The following TMEM132D variants were observed in gnomAD, a reference collection of about 807,000 sequenced individuals.
TMEM132D encodes mature OL transmembrane protein.
A neutral mutation model predicts 62.3 loss-of-function variants in TMEM132D; 21 were observed. The ratio of observed to expected loss-of-function variants is 0.34; its 90% CI spans 0.24 to 0.49. The LOEUF (loss-of-function observed/expected upper bound fraction) is 0.49, where lower values mean the gene tolerates loss of function less well. Ranked by LOEUF, TMEM132D falls within the 20% of genes least tolerant of loss-of-function variation. The probability of loss-of-function intolerance (pLI) is 0.99; values close to 1 mark genes in which losing one functional copy is unlikely to be tolerated. For missense variants in TMEM132D, 1,346 were observed against 1,402.8 expected, an observed-to-expected ratio of 0.96 and a Z score of 0.65; for synonymous variants, 621 against 575.6, an observed-to-expected ratio of 1.08 and a Z score of -1.13.
At chr12:129,323,195 G>A (rs766081874) in intron 4 of TMEM132D, among the ~76,000 whole-genome samples, 1 of 151,992 alleles carries the variant, frequency 6.6e-6, no homozygotes. Flanking sequence ...CTACCCATAA[G>A]GCATTAAAAT....
At chr12:129,291,987 G>T (rs1274338210) in intron 4 of TMEM132D, among the ~76,000 whole-genome samples, 2 of 152,072 alleles carry the variant, frequency 1.3e-5, no homozygotes, top group African/African-American at 2.4e-5. Flanking sequence ...CGAACATGGG[G>T]CAGGAAGCCT....
rs534877536 is a variant in TMEM132D, at chr12:129,738,118, T to G, written c.80-37420A>C. ...ACTCCTCCATTCGTTTTTCAAAATC[T>G]TATTTTAAATGTCTCAGCTATAATA... On this transcript the variant is annotated intron_variant, in intron 1 of 8. Coordinates refer to ENST00000422113, the MANE Select transcript of TMEM132D (RefSeq NM_133448.3). Among the ~76,000 whole-genome samples the G allele has an allele frequency of 4.6e-5, 7 of 152,364 alleles. No individual in the cohort carries two copies. The East Asian group carries it at 1.4e-3, about 29-fold the overall frequency.
chr12:129,392,652 CATATAT>C (rs1322006765), intron 3 of TMEM132D, among the ~76,000 whole-genome samples: 1 of 152,302 alleles, frequency 6.6e-6, no homozygotes, highest in African/African-American at 2.4e-5. Flanking sequence ...GGTGCCCTAC[CATATAT>C]ACAAAATCAG....
intron 1 of TMEM132D, among the ~76,000 whole-genome samples, chr12:129,787,066 G>C (rs1871266465): frequency 6.6e-6 from 1 of 152,110 alleles, no homozygotes; most frequent in Non-Finnish European, 1.5e-5. Flanking sequence ...AGGGCACTGG[G>C]AGCTGTGAAA....
chr12:129,215,968 C>T (rs955450127), intron 4 of TMEM132D, among the ~76,000 whole-genome samples: 2 of 152,150 alleles, frequency 1.3e-5, no homozygotes, highest in Non-Finnish European at 2.9e-5. Context: ...ATGCATGATT[C>T]AATTATCTCC....
chr12:129,678,263 C>T (rs1241938636), intron 2 of TMEM132D, among the ~76,000 whole-genome samples: 2 of 152,100 alleles, frequency 1.3e-5, no homozygotes, highest in Non-Finnish European at 2.9e-5. Context: ...TTTCTCCTAC[C>T]AGCAATAATA....
chr12:129,745,661 C>T lies in TMEM132D; in HGVS notation c.80-44963G>A, dbSNP rs1196945435. 2.0e-5 allele frequency among the ~76,000 whole-genome samples: 3 copies of T among 152,212 alleles called. No homozygotes were observed. The East Asian group carries it at 5.8e-4, about 29-fold the overall frequency. On this transcript the variant is annotated intron_variant, in intron 1 of 8. Coordinates refer to ENST00000422113, the MANE Select transcript of TMEM132D (RefSeq NM_133448.3). ...TACCATCTGGGTCTGATGCTTAGGA[C>T]TGTCTAGAGTCAGTTACTTGTATCA...
chr12:129,191,870 A>G (rs888918175), intron 5 of TMEM132D, among the ~76,000 whole-genome samples: 1 of 152,220 alleles, frequency 6.6e-6, no homozygotes, highest in Admixed American at 6.5e-5. Flanking sequence ...CTTAATCTCC[A>G]GCACTCTGAT....
chr12:129,605,648 A>AATATAC (rs1310775683), intron 2 of TMEM132D, among the ~76,000 whole-genome samples: 1 of 113,740 alleles, frequency 8.8e-6, no homozygotes, highest in Non-Finnish European at 1.9e-5. Flanking sequence ...CACACACACA[A>AATATAC]ATATACATAT....
At chr12:129,781,342 ACT>A (rs1450197442) in intron 1 of TMEM132D, among the ~76,000 whole-genome samples, 1 of 151,992 alleles carries the variant, frequency 6.6e-6, no homozygotes, top group Non-Finnish European at 1.5e-5. Flanking sequence ...GGCTGAGAAA[ACT>A]CTGATGATGG....
At chr12:129,232,630 C>T (rs1301622674) in intron 4 of TMEM132D, among the ~76,000 whole-genome samples, 1 of 152,168 alleles carries the variant, frequency 6.6e-6, no homozygotes, top group Non-Finnish European at 1.5e-5. Context: ...CCCCAGGTCC[C>T]CTGCTCACAA....
intron 4 of TMEM132D, among the ~76,000 whole-genome samples, chr12:129,293,732 T>G (rs1881504322): frequency 1.3e-5 from 2 of 152,132 alleles, no homozygotes. Flanking sequence ...AGTGCTTCCA[T>G]GAGAATCTAA....
chr12:129,091,044 A>G (rs1279928844), intron 5 of TMEM132D, among the ~76,000 whole-genome samples: 1 of 152,214 alleles, frequency 6.6e-6, no homozygotes, highest in East Asian at 1.9e-4. Context: ...TGCTTTATGA[A>G]AGGGAAGAAA....
At chr12:129,597,023 A>T (rs957844274) in intron 2 of TMEM132D, among the ~76,000 whole-genome samples, 1 of 152,238 alleles carries the variant, frequency 6.6e-6, no homozygotes, top group African/African-American at 2.4e-5. Flanking sequence ...GAGAGTGTGA[A>T]TACAATATTT....
At chr12:129,454,162 T>G (rs1419251119) in intron 3 of TMEM132D, among the ~76,000 whole-genome samples, 1 of 152,180 alleles carries the variant, frequency 6.6e-6, no homozygotes, top group Non-Finnish European at 1.5e-5. Flanking sequence ...TCCTACCGAG[T>G]GCTAAGCAGA....
intron 3 of TMEM132D, among the ~76,000 whole-genome samples, chr12:129,498,911 TCATCTCTGCTCCCTCCA>T (rs548127121): frequency 2.7e-4 from 41 of 152,284 alleles, no homozygotes; most frequent in Middle Eastern, 3.4e-3. Context: ...CTCTCCCTCC[TCATCTCTGCTCCCTCCA>T]GGGAATCACT....
chr12:129,319,668 T>C (rs754637921), intron 4 of TMEM132D, among the ~76,000 whole-genome samples: 10 of 152,092 alleles, frequency 6.6e-5, no homozygotes, highest in Non-Finnish European at 1.5e-4. Context: ...GATGTGTAGA[T>C]AAGAAGAAAC....
intron 5 of TMEM132D, among the ~76,000 whole-genome samples, chr12:129,176,008 G>A (rs1877895312): frequency 1.3e-5 from 2 of 152,260 alleles, no homozygotes; most frequent in South Asian, 4.1e-4. Flanking sequence ...TCCAACATAT[G>A]TGTGCTCCCT....
chr12:129,119,203 T>G (rs939859884), intron 5 of TMEM132D, among the ~76,000 whole-genome samples: 16 of 152,160 alleles, frequency 1.1e-4, no homozygotes, highest in African/African-American at 3.9e-4. Context: ...TTTTATAGAT[T>G]TAGGGGAATG....
Sources: gnomAD v4.1 joint callset for allele counts (sites outside exome capture counted in the v4.1 genomes callset) on GRCh38, gnomAD v4.1.1 for gene constraint, MANE v1.5 for transcripts, NCBI Gene and HGNC (gene_info 2026-07-23, HGNC 2026-07-21) for gene names.